The following CIZ1 variants were observed in gnomAD, a reference collection of about 807,000 sequenced individuals.
The protein encoded by CIZ1 is CDKN1A interacting zinc finger protein 1, also known as cip1-interacting zinc finger protein.
CIZ1 carries 58 observed loss-of-function variants against 118.6 expected under a neutral mutation model. The observed-to-expected ratio is 0.49, with a 90% CI of 0.40 to 0.61. The LOEUF is 0.61. Among genes scored for constraint, CIZ1 ranks in the 20% least tolerant of loss-of-function variants. CIZ1 has a pLI of 0.00. For missense variants in CIZ1, 921 were observed against 1,115.9 expected (o/e 0.83, Z 2.49); for synonymous variants, 448 against 443.4 (o/e 1.01, Z -0.13).
At chr9:128,190,939 CCCCGCAGCCACAG>C in intron 1 of CIZ1, 77 bp from the exon 2 acceptor site, 2 of 1,467,808 alleles carry the variant, frequency 1.4e-6, no homozygotes, top group Non-Finnish European at 9.0e-7. Context: ...CACCGCCACT[CCCCGCAGCCACAG>C]CCCGCAGAGA....
At chr9:128,179,693 A>C (rs1219705973) in intron 7 of CIZ1, among the ~76,000 whole-genome samples, 1 of 150,942 alleles carries the variant, frequency 6.6e-6, no homozygotes, top group East Asian at 2.0e-4. Flanking sequence ...TTTTTTTGAG[A>C]TGGAGTTTCG....
At chr9:128,201,111 A>G (rs1444939525) in intron 1 of CIZ1, among the ~76,000 whole-genome samples, 1 of 151,838 alleles carries the variant, frequency 6.6e-6, no homozygotes, top group Non-Finnish European at 1.5e-5. Flanking sequence ...TACTAAAAAT[A>G]CAAAACATTA....
At chr9:128,200,836 C>CAAATAAAT (rs58614828) in intron 1 of CIZ1, among the ~76,000 whole-genome samples, 136,893 of 149,224 alleles carry the variant, frequency 0.92, 63,511 homozygotes, top group Non-Finnish European at 0.98. Flanking sequence ...GACTACGTCT[C>CAAATAAAT]AAATAAATAA....
chr9:128,170,541 G>A (rs992552936), intron 11 of CIZ1, among the ~76,000 whole-genome samples: 1 of 152,176 alleles, frequency 6.6e-6, no homozygotes, highest in Non-Finnish European at 1.5e-5. Flanking sequence ...TGTGGTCCCA[G>A]GTACTCAGGA....
At chr9:128,195,641 A>G (rs1022739464), upstream of CIZ1, among the ~76,000 whole-genome samples, 2 of 151,742 alleles carry the variant, frequency 1.3e-5, no homozygotes, top group African/African-American at 2.4e-5. Context: ...CTGCTCCAGG[A>G]CTTTATCTAT....
At chr9:128,173,277 T>C (rs1036809034) in intron 11 of CIZ1, among the ~76,000 whole-genome samples, 2 of 151,264 alleles carry the variant, frequency 1.3e-5, no homozygotes, top group Non-Finnish European at 2.9e-5. Context: ...CCCAAGTAGC[T>C]GGGACTACAG....
Position 128,191,003 on chromosome 9 carries a change from G to A in CIZ1, c.-5-141C>T. The A allele has an allele frequency of 7.9e-7, 1 of 1,270,014 alleles. No homozygotes were observed. Among genetic ancestry groups the A allele is most frequent in the South Asian group, 1.5e-5 (1 of 64,694 alleles). 78.7% of individuals were successfully genotyped at this position (1,270,014 alleles called of 1,614,324 possible). A position where few individuals can be genotyped will look rare whatever the true frequency, so the allele number is the denominator to read the frequency against. On this transcript the variant is annotated intron_variant, in intron 1 of 16. Coordinates refer to ENST00000372938, the MANE Select transcript of CIZ1 (RefSeq NM_001131016.2). The surrounding 1 kb of genome is among the most constrained non-coding windows in gnomAD (Gnocchi z 5.5). Reference sequence around the variant, plus strand: ...ACAGCTGCATTCCCAGTCCTGCCAAGAGCCTGCCACACTCGCTTGGCCCAT... The same window carrying A: ...ACAGCTGCATTCCCAGTCCTGCCAAAAGCCTGCCACACTCGCTTGGCCCAT...
chr9:128,185,924 T>G (rs1316241245), intron 4 of CIZ1, 148 bp from the exon 5 acceptor site: 7 of 675,664 alleles, frequency 1.0e-5, no homozygotes, highest in Non-Finnish European at 1.8e-5. Flanking sequence ...AGGGAAGAGA[T>G]GAGAGCTGAG....
At position 128,190,607 on chromosome 9, in the gene CIZ1, A is replaced by G. The variant is rs1588263360; in HGVS notation, c.170+81T>C. On this transcript the variant is annotated intron_variant, in intron 2 of 16. Coordinates refer to ENST00000372938, the MANE Select transcript of CIZ1 (RefSeq NM_001131016.2). ...GGACTCAAACGGGGATGGCACTGGG[A>G]AAAAGGATGGGGATCGGGAGCTCCG... 8.7e-6 allele frequency: 13 copies of G among 1,494,016 alleles called. No homozygotes were observed. In the South Asian group the frequency reaches 1.6e-4, roughly 19 times the overall value. The allele number at this position is 1,494,016 out of a possible 1,614,324, so 92.5% of individuals were successfully genotyped here. A position where few individuals can be genotyped will look rare whatever the true frequency, so the allele number is the denominator to read the frequency against.
Position 128,166,081 on chromosome 9 carries a change from CTT to C in CIZ1, c.*114_*115del. On this transcript the variant is annotated 3_prime_UTR_variant, in exon 17 of 17. Coordinates refer to ENST00000372938, the MANE Select transcript of CIZ1 (RefSeq NM_001131016.2). This position sits in a 1 kb window ranked among gnomAD's most constrained non-coding sequence, Gnocchi z 4.4. ...GGTGGGAACTGCACAGCCAAACTAC[CTT>C]GTTTTATTGGATTTTGAGTAAAAAC... 1.3e-6 allele frequency: 1 copy of C among 788,158 alleles called. No individual in the cohort carries two copies. Among genetic ancestry groups the C allele is most frequent in the Non-Finnish European group, 1.9e-6 (1 of 530,916 alleles). The allele number at this position is 788,158 out of a possible 1,614,324, so 48.8% of individuals were successfully genotyped here.
rs1353209596 is a variant in CIZ1 at position 128,185,576 on chromosome 9, T to A, written c.559A>T (p.Thr187Ser). 2.6e-6 allele frequency: 4 copies of A among 1,524,796 alleles called. No individual in the cohort carries two copies. In the South Asian group the frequency reaches 5.2e-5, roughly 20 times the overall value. The allele number at this position is 1,524,796 out of a possible 1,614,324, so 94.5% of individuals were successfully genotyped here. ...SGRNPQKQAR[T>S]SSSTTPNRKD... ...CGATTGGGGGTGGTAGAGGAGGAGGTCCGGGCCTGTTTCTGGGGGTTCCGT... is the reference window on the plus strand; with the variant it reads ...CGATTGGGGGTGGTAGAGGAGGAGGACCGGGCCTGTTTCTGGGGGTTCCGT... Residue 187 changes from threonine (T) to serine (S), a missense_variant, in exon 5 of 17, where the codon ACC (threonine) becomes TCC (serine). Thr to Ser is a moderately conservative substitution (Grantham distance 58, BLOSUM62 1). Coordinates refer to ENST00000372938, the MANE Select transcript of CIZ1 (RefSeq NM_001131016.2).
In CIZ1 at chr9:128,190,792, C is replaced by T. The variant is rs1833038958; in HGVS notation, c.66G>A (p.Gln22=). Residue 22 remains glutamine, a synonymous_variant, in exon 2 of 17, where the codon CAG becomes CAA. Coordinates refer to ENST00000372938, the MANE Select transcript of CIZ1 (RefSeq NM_001131016.2). The part of the protein sequence containing the change: ...QQQQQLQQLQ[Q]QQLQQQQLQQ... ...GCAATTGCTGCTGCTGGAGCTGCTGCTGCTGTAACTGCTGGAGCTGCTGCT... is the reference window on the plus strand; with the variant it reads ...GCAATTGCTGCTGCTGGAGCTGCTGTTGCTGTAACTGCTGGAGCTGCTGCT... The T allele has an allele frequency of 6.5e-7, 1 of 1,540,966 alleles. No individual in the cohort carries two copies. The highest frequency in any genetic ancestry group is 8.7e-7 in the Non-Finnish European group (1 of 1,143,612).
At chr9:128,178,633 C>G (rs1274778691) in intron 8 of CIZ1, 76 bp downstream of exon 8, 1 of 1,580,218 alleles carries the variant, frequency 6.3e-7, no homozygotes, top group African/African-American at 1.3e-5. Flanking sequence ...CAGGCAGCAC[C>G]CAGTCAGGGG....
Position 128,167,180 on chromosome 9 carries a change from T to G in CIZ1, c.2296-16A>C. ...TGGACCTCACCTGAAAACATGCAAGTGTGGGCCTCGGATCTGGCTTCCCCT... is the reference window on the plus strand; with the variant it reads ...TGGACCTCACCTGAAAACATGCAAGGGTGGGCCTCGGATCTGGCTTCCCCT... On this transcript the variant is annotated splice_polypyrimidine_tract_variant and intron_variant, in intron 14 of 16. Coordinates refer to ENST00000372938, the MANE Select transcript of CIZ1 (RefSeq NM_001131016.2). The G allele has an allele frequency of 6.4e-7, 1 of 1,557,010 alleles. No individual in the cohort carries two copies. Among genetic ancestry groups the G allele is most frequent in the East Asian group, 2.3e-5 (1 of 44,106 alleles).
chr9:128,202,342 G>T (rs1282626218), intron 1 of CIZ1, among the ~76,000 whole-genome samples: 1 of 152,172 alleles, frequency 6.6e-6, no homozygotes, highest in Non-Finnish European at 1.5e-5. Context: ...GGACGGCTGG[G>T]CTCAGGGCCC....
chr9:128,191,919 G>C, upstream of CIZ1: 1 of 1,434,116 alleles, frequency 7.0e-7, no homozygotes. This position sits in a 1 kb window ranked among gnomAD's most constrained non-coding sequence, Gnocchi z 5.5. Context: ...GAGAGGGGGC[G>C]CGCAGTTGGC....
chr9:128,177,799 G>C, intron 9 of CIZ1, 36 bp from the exon 10 acceptor site: 1 of 1,449,042 alleles, frequency 6.9e-7, no homozygotes, highest in Non-Finnish European at 9.3e-7. Flanking sequence ...TCCATCAACT[G>C]TGTACTTATA....
At chr9:128,185,965 A>G (rs1832314693) in intron 4 of CIZ1, among the ~76,000 whole-genome samples, 189 bp from the exon 5 acceptor site, 2 of 152,262 alleles carry the variant, frequency 1.3e-5, no homozygotes, top group African/African-American at 4.8e-5. Context: ...CTGATGGTGA[A>G]GGAAGCTTTA....
Position 128,170,123 on chromosome 9 carries a change from C to A in CIZ1, c.1944-16G>T. ...TGGAGGCTCCCTGAATGACAACAGT[C>A]AAAGCAAGTACAATGTGACGCCAGA... On this transcript the variant is annotated splice_polypyrimidine_tract_variant and intron_variant, in intron 11 of 16. Transcript: ENST00000372938. The A allele has an allele frequency of 6.6e-7, 1 of 1,523,882 alleles. No homozygotes were observed. Among genetic ancestry groups the A allele is most frequent in the South Asian group, 1.1e-5 (1 of 88,924 alleles). The allele number at this position is 1,523,882 out of a possible 1,614,324, so 94.4% of individuals were successfully genotyped here.
Sources: allele counts gnomAD v4.1 joint callset (sites outside exome capture counted in the v4.1 genomes callset), GRCh38; gene constraint gnomAD v4.1.1; non-coding constraint Gnocchi (gnomAD v3.1); transcripts MANE v1.5; gene names NCBI Gene and HGNC (gene_info 2026-07-23, HGNC 2026-07-21).